Variants in KCNB2 observed in about 807,000 individuals in gnomAD.
KCNB2 encodes delayed rectifier potassium channel protein.
A neutral mutation model predicts 61.5 loss-of-function variants in KCNB2; 15 were observed. The observed-to-expected ratio is 0.24, with a 90% CI of 0.16 to 0.38. The LOEUF is 0.38. KCNB2 is among the 10% of genes least tolerant of loss of function. KCNB2 has a pLI of 1.00. For synonymous variants in KCNB2, 457 were observed against 446.0 expected, an observed-to-expected ratio of 1.02 and a Z score of -0.31; for missense variants, 828 against 1,125.2, an observed-to-expected ratio of 0.74 and a Z score of 3.78.
chr8:72,549,797 T>C (rs914702417), intron 1 of KCNB2, among the ~76,000 whole-genome samples: 1 of 152,212 alleles, frequency 6.6e-6, no homozygotes, highest in Admixed American at 6.5e-5. Flanking sequence ...ACATCTCCCT[T>C]CCTTCTCTAA....
intron 1 of KCNB2, among the ~76,000 whole-genome samples, chr8:72,538,305 G>A (rs891037385): frequency 4.6e-5 from 7 of 152,068 alleles, no homozygotes; most frequent in Non-Finnish European, 8.8e-5. Context: ...GCGGTGCGCG[G>A]TCTCCGTTCT....
intron 2 of KCNB2, among the ~76,000 whole-genome samples, chr8:72,780,085 A>G (rs1267940653): frequency 6.6e-6 from 1 of 152,174 alleles, no homozygotes; most frequent in Non-Finnish European, 1.5e-5. Context: ...TTATTTAATA[A>G]TGTTCAAAGC....
At chr8:72,656,487 A>G (rs1303883918) in intron 2 of KCNB2, among the ~76,000 whole-genome samples, 1 of 152,208 alleles carries the variant, frequency 6.6e-6, no homozygotes, top group Non-Finnish European at 1.5e-5. Flanking sequence ...AAAGCCAGGA[A>G]ATGCAAAAGC....
chr8:72,906,212 G>A (rs1806173845), intron 2 of KCNB2, among the ~76,000 whole-genome samples: 1 of 152,166 alleles, frequency 6.6e-6, no homozygotes, highest in Non-Finnish European at 1.5e-5. Flanking sequence ...TGTGCCTTTT[G>A]CTCTTTTCCA....
intron 2 of KCNB2, among the ~76,000 whole-genome samples, chr8:72,686,121 T>C (rs1806848798): frequency 6.6e-6 from 1 of 152,242 alleles, no homozygotes; most frequent in South Asian, 2.1e-4. Context: ...CTTTCTTTTT[T>C]TTGAGATGTT....
intron 2 of KCNB2, among the ~76,000 whole-genome samples, chr8:72,590,994 G>C (rs1268353173): frequency 6.6e-6 from 1 of 152,164 alleles, no homozygotes; most frequent in Non-Finnish European, 1.5e-5. Context: ...TAAAGGAAGA[G>C]GAAATCCTTT....
chr8:72,733,344 T>C (rs1236739886), intron 2 of KCNB2, among the ~76,000 whole-genome samples: 2 of 152,062 alleles, frequency 1.3e-5, no homozygotes, highest in Non-Finnish European at 2.9e-5. Flanking sequence ...GTGTAGATAA[T>C]TGACATACTC....
chr8:72,831,588 C>CTTT (rs1334022796), intron 2 of KCNB2, among the ~76,000 whole-genome samples: 2 of 152,196 alleles, frequency 1.3e-5, no homozygotes, highest in African/African-American at 4.8e-5. Flanking sequence ...TTTATGAGGC[C>CTTT]TTTGCCTATA....
chr8:72,928,985 C>A (rs1336358657), intron 2 of KCNB2, among the ~76,000 whole-genome samples: 1 of 151,998 alleles, frequency 6.6e-6, no homozygotes, highest in African/African-American at 2.4e-5. Context: ...AAGGCATTTT[C>A]CAAACACATC....
At position 72,735,254 on chromosome 8, in the gene KCNB2, C is replaced by CT. The variant is rs1339188331; in HGVS notation, c.579+166949dup. Among the ~76,000 whole-genome samples, 4 of 151,986 alleles carry CT rather than the reference C, an allele frequency of 2.6e-5. No individual in the cohort carries two copies. The South Asian group carries it at 6.2e-4, about 24-fold the overall frequency. On this transcript the variant is annotated intron_variant, in intron 2 of 2. Transcript: ENST00000523207. ...ATAAGAATTGGTCACCAGGAAGTGA[C>CT]TTTTTTTTATTATTTCTTGTGCTTT... is the stretch of plus-strand genomic sequence containing the variant.
chr8:72,928,875 A>C (rs968902386), intron 2 of KCNB2, among the ~76,000 whole-genome samples: 2 of 151,898 alleles, frequency 1.3e-5, no homozygotes, highest in African/African-American at 4.8e-5. Flanking sequence ...GCTTAAGTGA[A>C]TGTGTTTGAA....
chr8:72,664,245 A>C (rs1350509754), intron 2 of KCNB2, among the ~76,000 whole-genome samples: 1 of 152,136 alleles, frequency 6.6e-6, no homozygotes, highest in Non-Finnish European at 1.5e-5. Context: ...TGAGGTCCGC[A>C]CTGGTACTCT....
At chr8:72,816,778 T>G (rs576980940) in intron 2 of KCNB2, among the ~76,000 whole-genome samples, 2 of 152,198 alleles carry the variant, frequency 1.3e-5, no homozygotes, top group Non-Finnish European at 2.9e-5. Context: ...GAATTAAATG[T>G]TAATTGCTCC....
intron 2 of KCNB2, among the ~76,000 whole-genome samples, chr8:72,797,044 T>A (rs768982153): frequency 3.3e-5 from 5 of 152,182 alleles, no homozygotes; most frequent in Non-Finnish European, 5.9e-5. Context: ...TATTTGAGCA[T>A]CATGACCTCT....
chr8:72,663,068 T>G (rs1443649118), intron 2 of KCNB2, among the ~76,000 whole-genome samples: 2 of 152,074 alleles, frequency 1.3e-5, no homozygotes, highest in Non-Finnish European at 2.9e-5. Context: ...TATGGGACAT[T>G]TCTGCACTCC....
At position 72,936,215 on chromosome 8, in the gene KCNB2, A is replaced by G. The variant is rs142185006; in HGVS notation, c.860A>G (p.Asn287Ser). 191 of 1,614,130 alleles carry G rather than the reference A, an allele frequency of 1.2e-4. No individual in the cohort carries two copies. Among genetic ancestry groups the G allele is most frequent in the Non-Finnish European group, 1.5e-4 (181 of 1,180,038 alleles). The change falls in exon 3 of 3, where the codon AAC (asparagine) becomes AGC (serine). Residue 287 changes from asparagine to serine, a missense_variant. By Grantham distance (46) the Asn-to-Ser change is conservative. Transcript: ENST00000523207. This position sits in a 1 kb window ranked among gnomAD's most constrained non-coding sequence, Gnocchi z 5.6. ...YYVTIFLTES[N>S]KSVLQFQNVR... Reference sequence around the variant, plus strand: ...GTCACCATTTTTCTGACGGAGTCCAACAAGAGCGTGCTGCAGTTCCAAAAC... The same window carrying G: ...GTCACCATTTTTCTGACGGAGTCCAGCAAGAGCGTGCTGCAGTTCCAAAAC...
intron 2 of KCNB2, among the ~76,000 whole-genome samples, chr8:72,793,521 G>T (rs1370249594): frequency 6.6e-6 from 1 of 152,138 alleles, no homozygotes; most frequent in East Asian, 1.9e-4. Flanking sequence ...GTGGAGGTAG[G>T]CAGTCAACCA....
intron 2 of KCNB2, among the ~76,000 whole-genome samples, chr8:72,690,109 AT>A (rs985179188): frequency 6.6e-6 from 1 of 151,954 alleles, no homozygotes; most frequent in African/African-American, 2.4e-5. Context: ...TAAGAAATAT[AT>A]TTTTTTCTGA....
chr8:72,585,027 C>T (rs1318077071), intron 2 of KCNB2, among the ~76,000 whole-genome samples: 2 of 152,176 alleles, frequency 1.3e-5, no homozygotes, highest in African/African-American at 2.4e-5. Flanking sequence ...ACCCACCTCT[C>T]GTGCCATAGG....
Sources: gnomAD v4.1 joint callset for allele counts (sites outside exome capture counted in the v4.1 genomes callset) on GRCh38, gnomAD v4.1.1 for gene constraint, Gnocchi (gnomAD v3.1) non-coding constraint, MANE v1.5 for transcripts, NCBI Gene and HGNC (gene_info 2026-07-23, HGNC 2026-07-21) for gene names.